Variants in KCNIP4 observed in about 807,000 individuals in gnomAD.
KCNIP4 encodes the protein potassium voltage-gated channel interacting protein 4.
In KCNIP4, 12 loss-of-function variants were observed where a neutral mutation model predicts 34.0. That is an observed-to-expected ratio of 0.35 (90% confidence interval 0.23 to 0.57). The LOEUF (loss-of-function observed/expected upper bound fraction) is 0.57, where lower values mean the gene tolerates loss of function less well. KCNIP4 is among the 20% of genes least tolerant of loss of function. The pLI is 0.83. For synonymous variants in KCNIP4, 124 were observed against 102.2 expected (o/e 1.21, Z -1.29); for missense variants, 238 against 311.7 (o/e 0.76, Z 1.78).
intron 1 of KCNIP4, among the ~76,000 whole-genome samples, chr4:21,443,807 C>CCA (rs1727706229): frequency 6.6e-6 from 1 of 152,018 alleles, no homozygotes; most frequent in Non-Finnish European, 1.5e-5. Flanking sequence ...GTCATTTGTG[C>CCA]CTGAAGGTCC....
intron 5 of KCNIP4, 114 bp downstream of exon 5, chr4:20,749,548 G>A (rs1753197318): frequency 1.6e-6 from 1 of 644,254 alleles, no homozygotes; most frequent in East Asian, 2.8e-5. Context: ...GAAAGGGAGT[G>A]TCCTTGGGCT....
chr4:21,696,705 TTTC>T (rs1217512519), intron 1 of KCNIP4, among the ~76,000 whole-genome samples: 1 of 152,170 alleles, frequency 6.6e-6, no homozygotes, highest in Non-Finnish European at 1.5e-5. Context: ...TTAAAAATAT[TTTC>T]TTGCTATCAA....
chr4:21,365,667 C>T (rs1460536933), intron 1 of KCNIP4, among the ~76,000 whole-genome samples: 1 of 152,026 alleles, frequency 6.6e-6, no homozygotes. Flanking sequence ...TGTTTTCTCA[C>T]CCAATAGCTA....
intron 1 of KCNIP4, among the ~76,000 whole-genome samples, chr4:21,224,578 G>GT (rs765906146): frequency 0.14 from 6,253 of 44,878 alleles, 2,313 homozygotes; most frequent in Non-Finnish European, 0.18. Context: ...TTTTTCAACT[G>GT]TTTTTTTTTT....
At chr4:21,195,367 T>C (rs1439337334) in intron 1 of KCNIP4, among the ~76,000 whole-genome samples, 2 of 152,250 alleles carry the variant, frequency 1.3e-5, no homozygotes, top group Non-Finnish European at 2.9e-5. Context: ...AGCAGGCTTC[T>C]AAAGTTTTGG....
chr4:20,988,426 C>G (rs1416076118), intron 1 of KCNIP4, among the ~76,000 whole-genome samples: 1 of 152,152 alleles, frequency 6.6e-6, no homozygotes, highest in Non-Finnish European at 1.5e-5. Flanking sequence ...TTTAAATAAT[C>G]TCAAATGGGA....
At chr4:21,766,232 C>T (rs985683606) in intron 1 of KCNIP4, among the ~76,000 whole-genome samples, 5 of 152,092 alleles carry the variant, frequency 3.3e-5, no homozygotes, top group Non-Finnish European at 5.9e-5. Flanking sequence ...TTATTCTAGG[C>T]CATCCTATTT....
intron 1 of KCNIP4, among the ~76,000 whole-genome samples, chr4:21,291,223 A>G (rs2109204922): frequency 6.6e-6 from 1 of 152,288 alleles, no homozygotes; most frequent in East Asian, 1.9e-4. Flanking sequence ...TCTTGGTGCA[A>G]AAGACTCAGG....
At chr4:21,167,363 TA>T (rs748924782) in intron 1 of KCNIP4, among the ~76,000 whole-genome samples, 12 of 152,218 alleles carry the variant, frequency 7.9e-5, no homozygotes, top group Non-Finnish European at 1.5e-5. Context: ...TAGCTTACTT[TA>T]AAAATGTAAA....
rs541347685 is a variant in KCNIP4, at chr4:20,745,368, T to A, written c.429+4294A>T. Among the ~76,000 whole-genome samples, 100 of 152,322 alleles carry A rather than the reference T, an allele frequency of 6.6e-4. 2 individuals are homozygous for A. Among genetic ancestry groups the A allele is most frequent in the African/African-American group, 2.1e-3 (88 of 41,568 alleles). ...GCTATGGTCTTAGAGCACCTCTCTC[T>A]TTTTATCCTGTGGGATGATATCAGT... On this transcript the variant is annotated intron_variant, in intron 5 of 8. Transcript: ENST00000382152.
chr4:20,808,986 G>T (rs1259750587), intron 3 of KCNIP4, among the ~76,000 whole-genome samples: 2 of 152,120 alleles, frequency 1.3e-5, no homozygotes, highest in Non-Finnish European at 2.9e-5. Context: ...AAAAAGATTA[G>T]GAACCATCAT....
intron 1 of KCNIP4, among the ~76,000 whole-genome samples, chr4:21,806,148 T>C (rs929111436): frequency 3.3e-5 from 5 of 152,192 alleles, no homozygotes; most frequent in African/African-American, 9.7e-5. Flanking sequence ...TCTGGACCTC[T>C]TCCAAACGAA....
intron 1 of KCNIP4, among the ~76,000 whole-genome samples, chr4:21,918,693 T>C (rs961899975): frequency 5.9e-5 from 9 of 152,238 alleles, no homozygotes; most frequent in East Asian, 5.8e-4. Flanking sequence ...CTAATTTTCA[T>C]AGGGAGAGGC....
intron 1 of KCNIP4, among the ~76,000 whole-genome samples, chr4:21,587,057 C>A (rs558535897): frequency 2.6e-5 from 4 of 152,168 alleles, no homozygotes; most frequent in African/African-American, 9.6e-5. Flanking sequence ...TTATTACCCA[C>A]CAAGGACTGC....
intron 1 of KCNIP4, among the ~76,000 whole-genome samples, chr4:21,215,537 T>A (rs549803276): frequency 7.2e-5 from 11 of 152,204 alleles, no homozygotes; most frequent in Non-Finnish European, 1.3e-4. Flanking sequence ...GGTTGGAAGC[T>A]TCTTCTCTGT....
At chr4:21,947,407 A>G (rs1195752504) in intron 1 of KCNIP4, among the ~76,000 whole-genome samples, 1 of 152,230 alleles carries the variant, frequency 6.6e-6, no homozygotes, top group Non-Finnish European at 1.5e-5. Flanking sequence ...TATTTTTTCC[A>G]GTCCAAAAGG....
intron 1 of KCNIP4, among the ~76,000 whole-genome samples, chr4:21,510,078 C>T (rs1260840366): frequency 4.6e-5 from 3 of 65,220 alleles, no homozygotes; most frequent in African/African-American, 1.2e-4. Flanking sequence ...ACTCCATCTC[C>T]AAAAAAAAAA....
intron 1 of KCNIP4, among the ~76,000 whole-genome samples, chr4:21,690,931 T>C (rs1711561621): frequency 6.6e-6 from 1 of 152,130 alleles, no homozygotes; most frequent in Non-Finnish European, 1.5e-5. Flanking sequence ...AGAGAAATAT[T>C]TGAGAGAAGT....
rs778034700 is a variant in KCNIP4 at position 20,758,822 on chromosome 4, T to C, written c.357A>G (p.Gly119=). 1 of 1,610,628 alleles carries C rather than the reference T, an allele frequency of 6.2e-7. No homozygotes were observed. The highest frequency in any genetic ancestry group is 1.1e-5 in the South Asian group (1 of 90,940). The change falls in exon 4 of 9, where the codon GGA becomes GGG. Residue 119 remains glycine, a splice_region_variant and synonymous_variant. Coordinates refer to ENST00000382152, the MANE Select transcript of KCNIP4 (RefSeq NM_025221.6). ...KEIYSQFFPQ[G]DSTTYAHFLF... ...TAACAAGTCCACATTTGTACTTACCTCCCTGTGGAAAGAACTGCGAGTAAA... is the reference window on the plus strand; with the variant it reads ...TAACAAGTCCACATTTGTACTTACCCCCCTGTGGAAAGAACTGCGAGTAAA...
Sources: allele counts gnomAD v4.1 joint callset (sites outside exome capture counted in the v4.1 genomes callset), GRCh38; gene constraint gnomAD v4.1.1; transcripts MANE v1.5; gene names NCBI Gene and HGNC (gene_info 2026-07-23, HGNC 2026-07-21).